TNFRSF10D: variants seen among roughly 807,000 people sequenced by gnomAD.
The protein encoded by TNFRSF10D is TNF receptor superfamily member 10d.
In TNFRSF10D, 28 loss-of-function variants were observed where a neutral mutation model predicts 42.1. The observed-to-expected ratio is 0.66, with a 90% CI of 0.49 to 0.91. The LOEUF (loss-of-function observed/expected upper bound fraction) is 0.91, where lower values mean the gene tolerates loss of function less well. Among genes scored for constraint, TNFRSF10D ranks in the 40% least tolerant of loss-of-function variants. TNFRSF10D has a pLI of 0.00. For missense variants in TNFRSF10D, 503 were observed against 486.1 expected, an observed-to-expected ratio of 1.03 and a Z score of -0.33; for synonymous variants, 186 against 189.4, an observed-to-expected ratio of 0.98 and a Z score of 0.15.
intron 2 of TNFRSF10D, among the ~76,000 whole-genome samples, chr8:23,151,055 GAAGCCC>G (rs1315178644): frequency 5.0e-3 from 754 of 151,812 alleles, no homozygotes; most frequent in African/African-American, 0.016. Flanking sequence ...CCACATTCAT[GAAGCCC>G]AAAAAACCCC....
intron 2 of TNFRSF10D, among the ~76,000 whole-genome samples, chr8:23,154,064 T>C (rs1216093487): frequency 6.6e-6 from 1 of 152,206 alleles, no homozygotes; most frequent in Non-Finnish European, 1.5e-5. Context: ...TTCTGTCATT[T>C]GTGACAGCAT....
chr8:23,150,782 T>C (rs1022327452), intron 2 of TNFRSF10D, among the ~76,000 whole-genome samples: 7 of 151,602 alleles, frequency 4.6e-5, no homozygotes, highest in African/African-American at 7.3e-5. Flanking sequence ...CCACAGAGAA[T>C]GTCAACAGCA....
rs886280147 is a variant in TNFRSF10D at position 23,140,370 on chromosome 8, C to T, written c.955-2110G>A. ...CAAATCAATAACACAATCCCATTTA[C>T]AACAGACACACACACACACACACAC... On this transcript the variant is annotated intron_variant, in intron 7 of 8. Transcript: ENST00000312584. Among the ~76,000 whole-genome samples, 9 of 102,126 alleles carry T rather than the reference C, an allele frequency of 8.8e-5. No individual in the cohort carries two copies. The East Asian group carries it at 1.9e-3, about 21-fold the overall frequency. 67.0% of individuals were successfully genotyped at this position (102,126 alleles called of 152,430 possible).
At position 23,144,164 on chromosome 8, in the gene TNFRSF10D, G is replaced by A. The variant is rs370493184; in HGVS notation, c.954+286C>T. Among the ~76,000 whole-genome samples, 133 of 152,360 alleles carry A rather than the reference G, an allele frequency of 8.7e-4. No homozygotes were observed. In the South Asian group the frequency reaches 0.014, roughly 17 times the overall value. On this transcript the variant is annotated intron_variant, in intron 7 of 8. Coordinates refer to ENST00000312584, the MANE Select transcript of TNFRSF10D (RefSeq NM_003840.5). ...GTTAGGAGCACACGATGGAGACTGT[G>A]CAGCCTTATTCAGTCCTCAGTGAAC...
chr8:23,145,868 T>C lies in TNFRSF10D; in HGVS notation c.536A>G (p.Lys179Arg). 6.2e-7 allele frequency: 1 copy of C among 1,614,206 alleles called. No individual in the cohort carries two copies. Among genetic ancestry groups the C allele is most frequent in the South Asian group, 1.1e-5 (1 of 91,088 alleles). ...VSNCTPRSDI[K>R]CKNESAASST... ...ACTGGCAGCTGATTCATTTTTGCAC[T>C]TGATGTCACTCCGGGGCGTACAATT... Residue 179 changes from lysine to arginine, a missense_variant, in exon 5 of 9, where the codon AAG becomes AGG. Physicochemically the swap from Lys to Arg is conservative, Grantham distance 26. Transcript: ENST00000312584.
intron 1 of TNFRSF10D, among the ~76,000 whole-genome samples, chr8:23,159,246 C>T (rs1435585554): frequency 6.6e-6 from 1 of 152,216 alleles, no homozygotes; most frequent in East Asian, 1.9e-4. Context: ...AGCCATCGCA[C>T]CTGCCCACCC....
In TNFRSF10D at chr8:23,163,949, G is replaced by C. The variant is rs750504770; in HGVS notation, c.-14C>G. ...CCAAAGTCCCATGAGAAGGGAGGAG[G>C]GTGGATCGAAAGCGCCAAAAATCAA... On this transcript the variant is annotated 5_prime_UTR_variant, in exon 1 of 9. Transcript: ENST00000312584. 727 of 1,540,744 alleles carry C rather than the reference G, an allele frequency of 4.7e-4. No individual in the cohort carries two copies. The African/African-American group carries it at 8.7e-3, about 18-fold the overall frequency.
At position 23,164,026 on chromosome 8, in the gene TNFRSF10D, CT is replaced by C; in HGVS notation, c.-92del. ...GCGTGCAAAGGTTCTCGCAGCTACA[CT>C]GCCAGAATAGAACGTGCTCCTCCGC... On this transcript the variant is annotated 5_prime_UTR_variant, in exon 1 of 9. Coordinates refer to ENST00000312584, the MANE Select transcript of TNFRSF10D (RefSeq NM_003840.5). 3 of 1,407,704 alleles carry C rather than the reference CT, an allele frequency of 2.1e-6. No individual in the cohort carries two copies. In the South Asian group the frequency reaches 4.6e-5, roughly 21 times the overall value. The allele number at this position is 1,407,704 out of a possible 1,614,324, so 87.2% of individuals were successfully genotyped here. A position where few individuals can be genotyped will look rare whatever the true frequency, so the allele number is the denominator to read the frequency against.
intron 1 of TNFRSF10D, among the ~76,000 whole-genome samples, chr8:23,161,273 C>T (rs1016688789): frequency 6.6e-6 from 1 of 152,246 alleles, no homozygotes; most frequent in Non-Finnish European, 1.5e-5. Context: ...CTGTTCCCAG[C>T]CTCCAATCTC....
rs947862305 is a variant in TNFRSF10D, at chr8:23,161,196, C to G, written c.150+2590G>C. The stretch of plus-strand genomic sequence containing the variant: ...GCTGAAGATTTTTATCTCCTCTTCA[C>G]TTTACAGGCAGGAGCTGGGGCCACA... On this transcript the variant is annotated intron_variant, in intron 1 of 8. Transcript: ENST00000312584. Among the ~76,000 whole-genome samples the G allele has an allele frequency of 2.0e-5, 3 of 152,254 alleles. No individual in the cohort carries two copies. In the South Asian group the frequency reaches 6.2e-4, roughly 31 times the overall value.
chr8:23,143,052 C>T (rs1254390810), intron 7 of TNFRSF10D, among the ~76,000 whole-genome samples: 1 of 152,110 alleles, frequency 6.6e-6, no homozygotes, highest in African/African-American at 2.4e-5. Flanking sequence ...TCTCGGCTCA[C>T]TGCAGGCTCC....
chr8:23,147,402 G>A (rs1162641468), intron 3 of TNFRSF10D, among the ~76,000 whole-genome samples: 1 of 152,200 alleles, frequency 6.6e-6, no homozygotes, highest in Non-Finnish European at 1.5e-5. Context: ...CAAAAGCCCC[G>A]GCCTTGCTGG....
At chr8:23,152,350 T>G (rs530389819) in intron 2 of TNFRSF10D, among the ~76,000 whole-genome samples, 4 of 152,270 alleles carry the variant, frequency 2.6e-5, no homozygotes, top group African/African-American at 9.6e-5. Context: ...AGAGGACCCG[T>G]GGGACTACAC....
rs544423937 is a variant in TNFRSF10D at position 23,144,775 on chromosome 8, C to A, written c.769-140G>T. 2.0e-3 allele frequency: 2,244 copies of A among 1,106,782 alleles called. 10 individuals carry two copies. In the African/African-American group the frequency reaches 0.032, roughly 16 times the overall value. 68.6% of individuals were successfully genotyped at this position (1,106,782 alleles called of 1,614,324 possible). On this transcript the variant is annotated intron_variant, in intron 6 of 8. Transcript: ENST00000312584. ...CTGAGGCTCAGCACATCCAGGACCCCATGCTGAGGTGGGTCAGGTGGTCAC... is the reference window on the plus strand; with the variant it reads ...CTGAGGCTCAGCACATCCAGGACCCAATGCTGAGGTGGGTCAGGTGGTCAC...
rs1189303635 is a variant in TNFRSF10D, at chr8:23,137,587, G to C, written c.*283C>G. The stretch of plus-strand genomic sequence containing the variant: ...ATCAAAGTGCTGGGATTACAGGCAT[G>C]AGCCACCGCATGTGGCCTAAAACGA... On this transcript the variant is annotated 3_prime_UTR_variant, in exon 9 of 9. Coordinates refer to ENST00000312584, the MANE Select transcript of TNFRSF10D (RefSeq NM_003840.5). The C allele has an allele frequency of 3.8e-6, 1 of 262,388 alleles. No individual in the cohort carries two copies. The highest frequency in any genetic ancestry group is 8.1e-5 in the East Asian group (1 of 12,370). 16.3% of individuals were successfully genotyped at this position (262,388 alleles called of 1,614,324 possible). A position where few individuals can be genotyped will look rare whatever the true frequency, so the allele number is the denominator to read the frequency against.
intron 7 of TNFRSF10D, among the ~76,000 whole-genome samples, chr8:23,141,283 T>C (rs967776296): frequency 6.6e-6 from 1 of 152,080 alleles, no homozygotes; most frequent in African/African-American, 2.4e-5. Context: ...GGCAGGCAGA[T>C]CACCTGAGGT....
Position 23,148,428 on chromosome 8 carries a change from C to T in TNFRSF10D, c.370+10G>A, listed in dbSNP as rs764226074. ...TCCACCTCTGGGCAAGGGGTCCACACATTCTGTACCTGATTTACAAACTGT... is the reference window on the plus strand; with the variant it reads ...TCCACCTCTGGGCAAGGGGTCCACATATTCTGTACCTGATTTACAAACTGT... On this transcript the variant is annotated intron_variant, in intron 3 of 8. Transcript: ENST00000312584. 5 of 1,601,768 alleles carry T rather than the reference C, an allele frequency of 3.1e-6. No individual in the cohort carries two copies. The highest frequency in any genetic ancestry group is 1.7e-6 in the Non-Finnish European group (2 of 1,170,632).
intron 2 of TNFRSF10D, among the ~76,000 whole-genome samples, chr8:23,149,769 G>A (rs111714052): frequency 5.7e-3 from 867 of 151,850 alleles, no homozygotes; most frequent in African/African-American, 0.018. Flanking sequence ...TCCCTGTCCA[G>A]CTTTGGAGAC....
At position 23,135,806 on chromosome 8, in the gene TNFRSF10D, A is replaced by C; in HGVS notation, c.*2064T>G. The C allele has an allele frequency of 2.3e-6, 1 of 436,176 alleles. No individual in the cohort carries two copies. The highest frequency in any genetic ancestry group is 1.6e-5 in the South Asian group (1 of 61,158). The allele number at this position is 436,176 out of a possible 1,614,324, so 27.0% of individuals were successfully genotyped here. ...GGTAGTCTAGATGCATCTTCAAGGA[A>C]GGCCTCTGAGGAAGGGACAAAGGAG... On this transcript the variant is annotated 3_prime_UTR_variant, in exon 9 of 9. Coordinates refer to ENST00000312584, the MANE Select transcript of TNFRSF10D (RefSeq NM_003840.5).
Sources: allele counts gnomAD v4.1 joint callset (sites outside exome capture counted in the v4.1 genomes callset), GRCh38; gene constraint gnomAD v4.1.1; transcripts MANE v1.5; gene names NCBI Gene and HGNC (gene_info 2026-07-23, HGNC 2026-07-21).